SHROOM4: variants seen among roughly 807,000 people sequenced by gnomAD.
SHROOM4 encodes the protein shroom family member 4, also known as protein Shroom4.
A neutral mutation model predicts 80.3 loss-of-function variants in SHROOM4; 17 were observed. The ratio of observed to expected loss-of-function variants is 0.21; its 90% CI spans 0.14 to 0.32. The LOEUF (loss-of-function observed/expected upper bound fraction) is 0.32, where lower values mean the gene tolerates loss of function less well. Among genes scored for constraint, SHROOM4 ranks in the 10% least tolerant of loss-of-function variants. SHROOM4 has a pLI of 1.00. For synonymous variants in SHROOM4, 400 were observed against 437.5 expected (o/e 0.91, Z 1.07); for missense variants, 993 against 1,140.3 (o/e 0.87, Z 1.86).
At chrX:50,647,700 A>G (rs1386602596) in intron 2 of SHROOM4, among the ~76,000 whole-genome samples, 1 of 112,070 alleles carries the variant, frequency 8.9e-6, no homozygotes, top group African/African-American at 3.2e-5. Flanking sequence ...GATGGAATCC[A>G]TAAAGGTTTT....
intron 5 of SHROOM4, among the ~76,000 whole-genome samples, chrX:50,614,061 T>C (rs1350469363): frequency 8.9e-6 from 1 of 112,171 alleles, no homozygotes; most frequent in African/African-American, 3.2e-5. Context: ...AATCATTCAA[T>C]ACGTAGTTTT....
At chrX:50,725,498 T>G (rs1442766705) in intron 1 of SHROOM4, among the ~76,000 whole-genome samples, 1 of 112,306 alleles carries the variant, frequency 8.9e-6, no homozygotes, top group Non-Finnish European at 1.9e-5. Flanking sequence ...CATCTCAAAT[T>G]GTAATCCCCA....
In SHROOM4 at chrX:50,598,504, A is replaced by T; in HGVS notation, c.3974T>A (p.Leu1325His). The T allele has an allele frequency of 8.3e-7, 1 of 1,206,887 alleles. No homozygotes were observed. The highest frequency in any genetic ancestry group is 1.1e-6 in the Non-Finnish European group (1 of 892,898). The change falls in exon 8 of 9, where the codon CTT becomes CAT. Residue 1325 changes from leucine (L) to histidine (H), a missense_variant. Leu to His is a moderately conservative substitution (Grantham distance 99). Transcript: ENST00000376020. ...IQLIESISRKLSVLREAQRGL... is the reference protein window; with the variant it reads ...IQLIESISRKHSVLREAQRGL... ...TCGCTGGGCCTCCCGCAAGACAGAAAGTTTTCTGCTGATGCTTTCGATAAG... is the reference window on the plus strand; with the variant it reads ...TCGCTGGGCCTCCCGCAAGACAGAATGTTTTCTGCTGATGCTTTCGATAAG...
intron 1 of SHROOM4, among the ~76,000 whole-genome samples, chrX:50,743,106 AGTGTGT>A (rs56291087): frequency 1.9e-3 from 183 of 97,622 alleles, no homozygotes; most frequent in Admixed American, 4.9e-3. Flanking sequence ...CCCATTCAGT[AGTGTGT>A]GTGTGTGTGT....
chrX:50,581,946 C>A (rs182372286), downstream of SHROOM4, among the ~76,000 whole-genome samples: 8 of 111,591 alleles, frequency 7.2e-5, no homozygotes, highest in Non-Finnish European at 1.3e-4. Flanking sequence ...TACCACTTTG[C>A]CTCTCTGTGG....
chrX:50,728,307 C>T (rs1557266038), intron 1 of SHROOM4, among the ~76,000 whole-genome samples: 2 of 110,237 alleles, frequency 1.8e-5, no homozygotes, highest in African/African-American at 3.3e-5. Context: ...TGCAGTGAGC[C>T]GAGATTGCAC....
chrX:50,650,022 T>C (rs1931979900), intron 2 of SHROOM4, among the ~76,000 whole-genome samples: 1 of 112,242 alleles, frequency 8.9e-6, no homozygotes, highest in African/African-American at 3.2e-5. Context: ...GAACATATTG[T>C]GCATTTACAT....
intron 1 of SHROOM4, among the ~76,000 whole-genome samples, chrX:50,807,030 C>G (rs1038707294): frequency 8.9e-6 from 1 of 112,102 alleles, no homozygotes; most frequent in Non-Finnish European, 1.9e-5. Context: ...TAGGCTTCTC[C>G]AGAACTGTTC....
intron 1 of SHROOM4, among the ~76,000 whole-genome samples, chrX:50,733,902 T>C (rs988773950): frequency 2.7e-5 from 3 of 111,738 alleles, no homozygotes; most frequent in African/African-American, 6.5e-5. Context: ...TCTACTAAAA[T>C]AATAAATAAG....
chrX:50,754,597 T>G (rs1557268259), intron 1 of SHROOM4, among the ~76,000 whole-genome samples: 1 of 111,347 alleles, frequency 9.0e-6, no homozygotes, highest in African/African-American at 3.3e-5. Context: ...CTCCCCAGAA[T>G]AGTCAAGAAT....
chrX:50,809,537 C>T (rs1936291869), intron 1 of SHROOM4, among the ~76,000 whole-genome samples: 2 of 112,359 alleles, frequency 1.8e-5, no homozygotes, highest in Non-Finnish European at 1.9e-5. Context: ...GGCAGTTATG[C>T]CTAGGCCCCA....
At chrX:50,764,916 G>A (rs1482325319) in intron 1 of SHROOM4, among the ~76,000 whole-genome samples, 3 of 112,052 alleles carry the variant, frequency 2.7e-5, no homozygotes, top group Non-Finnish European at 5.6e-5. Flanking sequence ...GAGGCCCCAC[G>A]ATCATGGCAG....
At chrX:50,704,919 T>C (rs926579427) in intron 1 of SHROOM4, among the ~76,000 whole-genome samples, 18 of 111,474 alleles carry the variant, frequency 1.6e-4, no homozygotes, top group African/African-American at 5.5e-4. Flanking sequence ...CAGTGGGAGG[T>C]GGAGGAGGAG....
At chrX:50,607,043 C>G (rs1161326177) in intron 6 of SHROOM4, among the ~76,000 whole-genome samples, 1 of 109,470 alleles carries the variant, frequency 9.1e-6, no homozygotes, top group Non-Finnish European at 1.9e-5. Context: ...TGTTCAATGC[C>G]TTTGGGATCA....
intron 1 of SHROOM4, among the ~76,000 whole-genome samples, chrX:50,730,914 T>C (rs1934356193): frequency 9.0e-6 from 1 of 111,325 alleles, no homozygotes; most frequent in Admixed American, 9.6e-5. Context: ...AAGAAAACGA[T>C]ACCCAATGGT....
At chrX:50,788,698 A>G (rs1212107651) in intron 1 of SHROOM4, among the ~76,000 whole-genome samples, 2 of 112,098 alleles carry the variant, frequency 1.8e-5, no homozygotes, top group Non-Finnish European at 3.8e-5. Flanking sequence ...TTTAAATATA[A>G]ATGGGTTGAC....
chrX:50,618,939 G>A (rs1557251478), intron 5 of SHROOM4, among the ~76,000 whole-genome samples: 1 of 111,699 alleles, frequency 9.0e-6, no homozygotes, highest in South Asian at 3.8e-4. Context: ...TCATCCTCGG[G>A]CGTCCATGAA....
At chrX:50,675,647 T>C (rs1481746434) in intron 2 of SHROOM4, among the ~76,000 whole-genome samples, 1 of 111,209 alleles carries the variant, frequency 9.0e-6, no homozygotes, top group Non-Finnish European at 1.9e-5. Context: ...AAAATAGTTC[T>C]GGACTAGAGA....
intron 3 of SHROOM4, among the ~76,000 whole-genome samples, chrX:50,636,192 C>G (rs1387382795): frequency 6.3e-5 from 7 of 110,954 alleles, no homozygotes; most frequent in African/African-American, 2.3e-4. Flanking sequence ...AGCTTTAGGT[C>G]TCGGTGAATC....
Sources: gnomAD v4.1 joint callset for allele counts (sites outside exome capture counted in the v4.1 genomes callset) on GRCh38, gnomAD v4.1.1 for gene constraint, MANE v1.5 for transcripts, NCBI Gene and HGNC (gene_info 2026-07-23, HGNC 2026-07-21) for gene names.